Variants in HPSE2 observed in about 807,000 individuals in gnomAD.
HPSE2 encodes the protein inactive heparanase-2.
In HPSE2, 38 loss-of-function variants were observed where a neutral mutation model predicts 60.5. The ratio of observed to expected loss-of-function variants is 0.63; its 90% confidence interval spans 0.48 to 0.82. HPSE2 has a LOEUF of 0.82. HPSE2 is among the 40% of genes least tolerant of loss of function. HPSE2 has a pLI of 0.00. For synonymous variants in HPSE2, 295 were observed against 293.2 expected (o/e 1.01, Z -0.06); for missense variants, 713 against 740.4 (o/e 0.96, Z 0.43).
intron 3 of HPSE2, among the ~76,000 whole-genome samples, chr10:99,143,556 T>C (rs1845942661): frequency 1.3e-5 from 2 of 152,248 alleles, no homozygotes; most frequent in African/African-American, 4.8e-5. Flanking sequence ...CTTGGACTGC[T>C]CTTCTGAGTT....
chr10:98,496,161 T>C (rs1022503575), intron 9 of HPSE2, among the ~76,000 whole-genome samples: 11 of 152,160 alleles, frequency 7.2e-5, no homozygotes, highest in Admixed American at 6.5e-4. Context: ...CTCAGGTCTT[T>C]TTTGAGCCTG....
chr10:99,285,391 C>A, the HPSE2 span, among the ~76,000 whole-genome samples: 1 of 149,750 alleles, frequency 6.7e-6, no homozygotes, highest in East Asian at 2.0e-4. Flanking sequence ...GAGTGTGCCA[C>A]TGCACTCCAG....
intron 10 of HPSE2, 79 bp downstream of exon 10, chr10:98,489,972 A>G: frequency 3.3e-6 from 5 of 1,537,180 alleles, no homozygotes; most frequent in Non-Finnish European, 4.5e-6. Flanking sequence ...GTGAATGGAG[A>G]TGAGTCTTGA....
intron 3 of HPSE2, among the ~76,000 whole-genome samples, chr10:99,031,144 G>C (rs1240948032): frequency 1.3e-5 from 2 of 152,090 alleles, no homozygotes; most frequent in Non-Finnish European, 2.9e-5. Context: ...GAGTATAATA[G>C]GATTGTTTGT....
intron 3 of HPSE2, among the ~76,000 whole-genome samples, chr10:99,079,812 T>C (rs1376461592): frequency 6.6e-6 from 1 of 152,018 alleles, no homozygotes; most frequent in Non-Finnish European, 1.5e-5. Context: ...CAGTCCAAAC[T>C]GGTGCCCAAG....
At chr10:98,680,832 T>G (rs1246627229) in intron 6 of HPSE2, among the ~76,000 whole-genome samples, 1 of 152,160 alleles carries the variant, frequency 6.6e-6, no homozygotes, top group Non-Finnish European at 1.5e-5. Flanking sequence ...CTCGGCTCAC[T>G]GTAACCTCCG....
chr10:99,186,051 A>G (rs1423489000), intron 2 of HPSE2, among the ~76,000 whole-genome samples: 1 of 151,090 alleles, frequency 6.6e-6, no homozygotes. Flanking sequence ...GTGACAGACA[A>G]TAAACCATGG....
At chr10:99,314,406 T>C in the HPSE2 span, among the ~76,000 whole-genome samples, 1 of 151,968 alleles carries the variant, frequency 6.6e-6, no homozygotes, top group Non-Finnish European at 1.5e-5. Context: ...CAAGCGATCC[T>C]CCCACCTCAG....
At chr10:98,766,895 A>C (rs1589792293) in intron 3 of HPSE2, among the ~76,000 whole-genome samples, 3 of 152,168 alleles carry the variant, frequency 2.0e-5, no homozygotes, top group Non-Finnish European at 4.4e-5. Context: ...ACTGCACTCC[A>C]GCCTGGGTGA....
intron 5 of HPSE2, among the ~76,000 whole-genome samples, chr10:98,695,142 C>T (rs1263041501): frequency 6.6e-6 from 1 of 151,982 alleles, no homozygotes; most frequent in African/African-American, 2.4e-5. Context: ...ATAAGAGAAA[C>T]ATAGGGCTGG....
At chr10:98,544,350 T>C (rs969639014) in intron 9 of HPSE2, among the ~76,000 whole-genome samples, 11 of 152,186 alleles carry the variant, frequency 7.2e-5, no homozygotes, top group African/African-American at 2.7e-4. Flanking sequence ...GGGAAATTTA[T>C]AGCACTAAAT....
At chr10:99,088,950 C>T (rs555870206) in intron 3 of HPSE2, among the ~76,000 whole-genome samples, 1 of 152,172 alleles carries the variant, frequency 6.6e-6, no homozygotes, top group African/African-American at 2.4e-5. Context: ...GAACATTTTT[C>T]ATGTTTGTTG....
chr10:99,266,957 C>A, the HPSE2 span, among the ~76,000 whole-genome samples: 1 of 152,138 alleles, frequency 6.6e-6, no homozygotes, highest in African/African-American at 2.4e-5. Flanking sequence ...GGGGAGAATA[C>A]TACATCAAGG....
At chr10:98,463,298 G>T (rs948717858) in intron 11 of HPSE2, among the ~76,000 whole-genome samples, 7 of 152,072 alleles carry the variant, frequency 4.6e-5, no homozygotes, top group Non-Finnish European at 1.0e-4. Context: ...CTCAGATCCC[G>T]CCAGTCCCCC....
chr10:98,480,688 C>A (rs1441041672), intron 11 of HPSE2, among the ~76,000 whole-genome samples: 3 of 152,112 alleles, frequency 2.0e-5, no homozygotes, highest in Non-Finnish European at 4.4e-5. Flanking sequence ...CATCCTTTTG[C>A]TTTTTTGTAA....
At chr10:99,094,756 C>T (rs1935669) in intron 3 of HPSE2, among the ~76,000 whole-genome samples, 74,689 of 150,100 alleles carry the variant, frequency 0.5, 21,072 homozygotes, top group East Asian at 0.65. Flanking sequence ...AGGGTTTCAC[C>T]GTGTTGGCCA....
At chr10:99,172,029 T>C (rs928715454) in intron 2 of HPSE2, among the ~76,000 whole-genome samples, 3 of 152,206 alleles carry the variant, frequency 2.0e-5, no homozygotes, top group Non-Finnish European at 2.9e-5. Flanking sequence ...CATAACTTTT[T>C]ATAATTTCAA....
At chr10:98,942,951 A>G (rs1439228067) in intron 3 of HPSE2, among the ~76,000 whole-genome samples, 1 of 151,732 alleles carries the variant, frequency 6.6e-6, no homozygotes, top group East Asian at 1.9e-4. Context: ...TGAAATTGGA[A>G]ATCATCATTC....
chr10:98,763,406 A>T (rs1189301158), intron 3 of HPSE2, among the ~76,000 whole-genome samples: 5 of 152,134 alleles, frequency 3.3e-5, no homozygotes, highest in Non-Finnish European at 5.9e-5. Context: ...ACCCAGACAC[A>T]TAATCATAAA....
Sources: allele counts gnomAD v4.1 joint callset (sites outside exome capture counted in the v4.1 genomes callset), GRCh38; gene constraint gnomAD v4.1.1; transcripts MANE v1.5; gene names NCBI Gene and HGNC (gene_info 2026-07-23, HGNC 2026-07-21).